ROBO3: variants seen among roughly 807,000 people sequenced by gnomAD.
The protein encoded by ROBO3 is roundabout guidance receptor 3, also known as roundabout homolog 3.
Under a neutral mutation model 160.5 loss-of-function variants are expected in ROBO3, and 97 were observed. The observed-to-expected ratio is 0.60, with a 90% CI of 0.51 to 0.72. The LOEUF (loss-of-function observed/expected upper bound fraction) is 0.72, where lower values mean the gene tolerates loss of function less well. Among genes scored for constraint, ROBO3 ranks in the 30% least tolerant of loss-of-function variants. ROBO3 has a pLI of 0.00. For synonymous variants in ROBO3, 780 were observed against 746.2 expected (o/e 1.05, Z -0.74); for missense variants, 1,858 against 1,846.5 (o/e 1.01, Z -0.11).
chr11:124,875,446 A>G, intron 14 of ROBO3, 110 bp downstream of exon 14: 2 of 1,576,160 alleles, frequency 1.3e-6, no homozygotes, highest in South Asian at 1.1e-5. Context: ...GTGGGTGGGA[A>G]GGAGGAATGG....
chr11:124,879,412 T>C (rs1354620829), intron 24 of ROBO3, 53 bp from the exon 25 acceptor site: 24 of 1,608,322 alleles, frequency 1.5e-5, no homozygotes, highest in Non-Finnish European at 2.0e-5. Flanking sequence ...CCTTAGGCCT[T>C]TTTCCTGATT....
Position 124,875,672 on chromosome 11 carries a change from TCACGGAATA to T in ROBO3, c.2410_2418del (p.Thr804_Tyr806del). The T allele has an allele frequency of 6.2e-7, 1 of 1,607,872 alleles. No homozygotes were observed. Among genetic ancestry groups the T allele is most frequent in the Non-Finnish European group, 8.5e-7 (1 of 1,177,436 alleles). On this transcript the variant is annotated inframe_deletion, in exon 15 of 28. Coordinates refer to ENST00000397801, the MANE Select transcript of ROBO3 (RefSeq NM_022370.4). ...CTCCCCTCCCAGCAAAATGGGGTCA[TCACGGAATA>T]CCAGGTAGAGGGATTGAGGAGGGAC...
In ROBO3 at chr11:124,874,193, C is replaced by T. The variant is rs1434716732; in HGVS notation, c.1908C>T (p.Gly636=). The change falls in exon 12 of 28, where the codon GGC becomes GGT. Residue 636 remains glycine (G), a synonymous_variant. Transcript: ENST00000397801. ...LFLVRAVGAW[G]LSEPSPVSEP... is the part of the protein sequence containing the mutation. ...TGGTTCGAGCAGTGGGAGCCTGGGG[C>T]CTCAGTGAGCCCAGCCCCGTCTCTG... 1 of 1,613,930 alleles carries T rather than the reference C, an allele frequency of 6.2e-7. No individual in the cohort carries two copies. The highest frequency in any genetic ancestry group is 1.3e-5 in the African/African-American group (1 of 75,020).
In ROBO3 at chr11:124,865,564, A is replaced by G; in HGVS notation, c.-14A>G. 1 of 1,609,790 alleles carries G rather than the reference A, an allele frequency of 6.2e-7. No individual in the cohort carries two copies. Among genetic ancestry groups the G allele is most frequent in the South Asian group, 1.1e-5 (1 of 90,492 alleles). Reference sequence around the variant, plus strand: ...GCCCCCAGCCCCCAGTCCCGATCCCAGCTGGGTCGAGCCATGCTGCGCTAC... The same window carrying G: ...GCCCCCAGCCCCCAGTCCCGATCCCGGCTGGGTCGAGCCATGCTGCGCTAC... On this transcript the variant is annotated 5_prime_UTR_variant, in exon 1 of 28. Transcript: ENST00000397801. This position sits in a 1 kb window ranked among gnomAD's most constrained non-coding sequence, Gnocchi z 5.5.
Position 124,872,292 on chromosome 11 carries a change from C to A in ROBO3, c.1159-89C>A. ...ACGATGAACTAGAATCATAGGAATT[C>A]TCTGAATTTTGAGATTGACAGGAAT... On this transcript the variant is annotated intron_variant, in intron 7 of 27. Transcript: ENST00000397801. The surrounding 1 kb of genome is among the most constrained non-coding windows in gnomAD (Gnocchi z 4.3). The A allele has an allele frequency of 8.3e-7, 1 of 1,203,752 alleles. No individual in the cohort carries two copies. The highest frequency in any genetic ancestry group is 1.2e-6 in the Non-Finnish European group (1 of 808,464). 74.6% of individuals were successfully genotyped at this position (1,203,752 alleles called of 1,614,324 possible). A position where few individuals can be genotyped will look rare whatever the true frequency, so the allele number is the denominator to read the frequency against.
rs369320011 is a variant in ROBO3, at chr11:124,878,415, C to T, written c.3299C>T (p.Pro1100Leu). The change falls in exon 22 of 28, where the codon CCG (proline) becomes CTG (leucine). Residue 1100 changes from proline to leucine, a missense_variant. Physicochemically the swap from Pro to Leu is moderately conservative, Grantham distance 98. Transcript: ENST00000397801. The surrounding 1 kb of genome is among the most constrained non-coding windows in gnomAD (Gnocchi z 4.3). Reference sequence around the variant, plus strand: ...TGTGAACTGAGCTGCCTAGAAGGGCCGGAGGAGGAGCTGGAGGGCAGGTAG... The same window carrying T: ...TGTGAACTGAGCTGCCTAGAAGGGCTGGAGGAGGAGCTGGAGGGCAGGTAG... ...PSCELSCLEGPEEELEGSSEP... is the reference protein window; with the variant it reads ...PSCELSCLEGLEEELEGSSEP... 7.4e-6 allele frequency: 12 copies of T among 1,613,660 alleles called. No individual in the cohort carries two copies. Among genetic ancestry groups the T allele is most frequent in the Middle Eastern group, 1.7e-4 (1 of 6,060 alleles).
In ROBO3 at chr11:124,875,349, A is replaced by C; in HGVS notation, c.2299+13A>C. 7.2e-7 allele frequency: 1 copy of C among 1,382,010 alleles called. No homozygotes were observed. Among genetic ancestry groups the C allele is most frequent in the Non-Finnish European group, 9.7e-7 (1 of 1,027,256 alleles). The allele number at this position is 1,382,010 out of a possible 1,614,324, so 85.6% of individuals were successfully genotyped here. A position where few individuals can be genotyped will look rare whatever the true frequency, so the allele number is the denominator to read the frequency against. The stretch of plus-strand genomic sequence containing the variant: ...ATTCCTGAGGAGGGTAAGGAGGGCC[A>C]CCGAACAGATGGATGGACAAGAGGG... On this transcript the variant is annotated intron_variant, in intron 14 of 27. Coordinates refer to ENST00000397801, the MANE Select transcript of ROBO3 (RefSeq NM_022370.4).
At position 124,877,280 on chromosome 11, in the gene ROBO3, C is replaced by G; in HGVS notation, c.2817C>G (p.His939Gln). 1 of 1,613,962 alleles carries G rather than the reference C, an allele frequency of 6.2e-7. No individual in the cohort carries two copies. The highest frequency in any genetic ancestry group is 1.1e-5 in the South Asian group (1 of 91,082). ...FAYTPAVSFP[H>Q]SEGLSGASSR... ...CATTTTCCCCAGTGTCCTTCCCGCA[C>G]TCAGAGGGCCTCTCTGGAGCCAGTT... The change falls in exon 19 of 28, where the codon CAC becomes CAG. Residue 939 changes from histidine to glutamine, a missense_variant. Physicochemically the swap from His to Gln is conservative, Grantham distance 24. Transcript: ENST00000397801.
rs1215546096 is a variant in ROBO3, at chr11:124,869,040, C to T, written c.399C>T (p.Arg133=). The change falls in exon 2 of 28, where the codon CGC becomes CGT. Residue 133 remains arginine, a synonymous_variant. Coordinates refer to ENST00000397801, the MANE Select transcript of ROBO3 (RefSeq NM_022370.4). This position sits in a 1 kb window ranked among gnomAD's most constrained non-coding sequence, Gnocchi z 4.2. ...LFFPRIVHGR[R]ARPDEGVYTC... The stretch of plus-strand genomic sequence containing the variant: ...TCCCGCGCATCGTGCACGGGCGCCG[C>T]GCGCGGCCGGACGAAGGTGTCTACA... 6.2e-7 allele frequency: 1 copy of T among 1,602,566 alleles called. No individual in the cohort carries two copies. Among genetic ancestry groups the T allele is most frequent in the East Asian group, 2.3e-5 (1 of 44,394 alleles).
intron 7 of ROBO3, among the ~76,000 whole-genome samples, chr11:124,871,894 C>G (rs1258127046): frequency 1.3e-5 from 2 of 152,184 alleles, no homozygotes; most frequent in Non-Finnish European, 2.9e-5. Context: ...AGGGGTGAAG[C>G]AGGTGTTACC....
Position 124,876,516 on chromosome 11 carries a change from G to A in ROBO3, c.2779+56G>A. 7.6e-7 allele frequency: 1 copy of A among 1,319,974 alleles called. No individual in the cohort carries two copies. 81.8% of individuals were successfully genotyped at this position (1,319,974 alleles called of 1,614,324 possible). On this transcript the variant is annotated intron_variant, in intron 17 of 27. Transcript: ENST00000397801. This position sits in a 1 kb window ranked among gnomAD's most constrained non-coding sequence, Gnocchi z 5.3. ...CGGGAGGGAGCCAGGCGGCCCATGGGGAGGGGCAGGGGCTTAGCCGCTGGC... is the reference window on the plus strand; with the variant it reads ...CGGGAGGGAGCCAGGCGGCCCATGGAGAGGGGCAGGGGCTTAGCCGCTGGC...
Position 124,870,600 on chromosome 11 carries a change from G to C in ROBO3, c.906-1G>C. ...CCAGCCTGGGGTGGGGAGTGGAGCA[G>C]GTATGAGATCCGGAGTGACCACAGC... On this transcript the variant is annotated splice_acceptor_variant, in intron 5 of 27. Coordinates refer to ENST00000397801, the MANE Select transcript of ROBO3 (RefSeq NM_022370.4). LOFTEE classifies it high-confidence loss of function. The C allele has an allele frequency of 6.2e-7, 1 of 1,613,780 alleles. No homozygotes were observed. Among genetic ancestry groups the C allele is most frequent in the Non-Finnish European group, 8.5e-7 (1 of 1,179,852 alleles).
Position 124,869,429 on chromosome 11 carries a change from G to GGGGCCCC in ROBO3, c.488-21_488-20insGGGCCCC. Reference sequence around the variant, plus strand: ...TGTCACTCTACACCCTGCTTATTTCGCCCCCCACCGCCCCGCCCAGTCCTC... The same window carrying GGGGCCCC: ...TGTCACTCTACACCCTGCTTATTTCGGGGCCCCCCCCCCACCGCCCCGCCCAGTCCTC... On this transcript the variant is annotated intron_variant, in intron 2 of 27. Coordinates refer to ENST00000397801, the MANE Select transcript of ROBO3 (RefSeq NM_022370.4). The surrounding 1 kb of genome is among the most constrained non-coding windows in gnomAD (Gnocchi z 4.2). 7.7e-7 allele frequency: 1 copy of GGGGCCCC among 1,295,764 alleles called. No homozygotes were observed. The highest frequency in any genetic ancestry group is 1.1e-6 in the Non-Finnish European group (1 of 929,942). 80.3% of individuals were successfully genotyped at this position (1,295,764 alleles called of 1,614,324 possible).
At chr11:124,875,391 G>GAAA in intron 14 of ROBO3, 55 bp downstream of exon 14, 1 of 1,367,532 alleles carries the variant, frequency 7.3e-7, no homozygotes, top group Non-Finnish European at 1.0e-6. Context: ...GGGTGGGGGT[G>GAAA]GAGGTGGAGG....
rs772245614 is a variant in ROBO3 at position 124,875,274 on chromosome 11, C to T, written c.2237C>T (p.Ala746Val). ...PGTQIQIKVQAQGQEGLGAES... is the reference protein window; with the variant it reads ...PGTQIQIKVQVQGQEGLGAES... ...ACCCAAATCCAGATCAAGGTGCAAG[C>T]CCAAGGCCAGGAGGGGCTGGGGGCT... The change falls in exon 14 of 28, where the codon GCC becomes GTC. Residue 746 changes from alanine to valine, a missense_variant. Physicochemically the swap from Ala to Val is moderately conservative, Grantham distance 64. Transcript: ENST00000397801. 17 of 1,613,186 alleles carry T rather than the reference C, an allele frequency of 1.1e-5. No individual in the cohort carries two copies. The Admixed American group carries it at 2.8e-4, about 27-fold the overall frequency.
At chr11:124,867,685 A>T (rs966618648) in intron 1 of ROBO3, among the ~76,000 whole-genome samples, 1 of 151,930 alleles carries the variant, frequency 6.6e-6, no homozygotes, top group Admixed American at 6.6e-5. Flanking sequence ...CTTTGTCTAC[A>T]ACAGAACTTC....
chr11:124,879,589 C>T lies in ROBO3; in HGVS notation c.3796+14C>T. Reference sequence around the variant, plus strand: ...ACAGTCCTGGGGGTGAGGGGGGATGCACCTGGGAGATGGTGACAGTAGTGG... The same window carrying T: ...ACAGTCCTGGGGGTGAGGGGGGATGTACCTGGGAGATGGTGACAGTAGTGG... On this transcript the variant is annotated intron_variant, in intron 25 of 27. Coordinates refer to ENST00000397801, the MANE Select transcript of ROBO3 (RefSeq NM_022370.4). The T allele has an allele frequency of 1.2e-6, 2 of 1,601,210 alleles. No homozygotes were observed. Among genetic ancestry groups the T allele is most frequent in the Middle Eastern group, 1.7e-4 (1 of 6,040 alleles).
chr11:124,867,788 A>C (rs1946220307), intron 1 of ROBO3, among the ~76,000 whole-genome samples: 10 of 138,222 alleles, frequency 7.2e-5, no homozygotes, highest in South Asian at 2.7e-4. Flanking sequence ...GAAGGGGGGA[A>C]CAGGGGGAGG....
In ROBO3 at chr11:124,874,891, C is replaced by T. The variant is rs1435506122; in HGVS notation, c.2055C>T (p.Thr685=). The change falls in exon 13 of 28, where the codon ACC becomes ACT. Residue 685 remains threonine (T), a synonymous_variant. Coordinates refer to ENST00000397801, the MANE Select transcript of ROBO3 (RefSeq NM_022370.4). ...AGCCCATAGTCCTGGGACCCCGGAC[C>T]CTGCAGGTGTCCTGGACTGTGAGTG... is the stretch of plus-strand genomic sequence containing the variant. ...LQEPIVLGPR[T]LQVSWTVDGP... is the part of the protein sequence containing the mutation. The T allele has an allele frequency of 6.2e-7, 1 of 1,603,762 alleles. No homozygotes were observed. Among genetic ancestry groups the T allele is most frequent in the Non-Finnish European group, 8.5e-7 (1 of 1,175,348 alleles).
Sources: allele counts gnomAD v4.1 joint callset (sites outside exome capture counted in the v4.1 genomes callset), GRCh38; gene constraint gnomAD v4.1.1; non-coding constraint Gnocchi (gnomAD v3.1); transcripts MANE v1.5; gene names NCBI Gene and HGNC (gene_info 2026-07-23, HGNC 2026-07-21).